The following MGAT4D variants were observed in gnomAD, a reference collection of about 807,000 sequenced individuals.
MGAT4D encodes the protein MGAT4 family member D, also known as alpha-1,3-mannosyl-glycoprotein 4-beta-N-acetylglucosaminyltransferase-like protein MGAT4D.
MGAT4D carries 34 observed loss-of-function variants against 15.9 expected under a neutral mutation model. That is an observed-to-expected ratio of 2.14 (90% confidence interval 1.62 to 2.84). The LOEUF (loss-of-function observed/expected upper bound fraction) is 2.84. Among genes scored for constraint, MGAT4D ranks in the 30% most tolerant of loss-of-function variants. The probability of loss-of-function intolerance (pLI) is 0.00; values close to 1 mark genes in which losing one functional copy is unlikely to be tolerated. For missense variants in MGAT4D, 327 were observed against 140.2 expected (o/e 2.33, Z -6.73); for synonymous variants, 112 against 48.2 (o/e 2.33, Z -5.49).
intron 9 of MGAT4D, among the ~76,000 whole-genome samples, chr4:140,455,760 A>G (rs1479220247): frequency 1.3e-5 from 2 of 152,144 alleles, no homozygotes; most frequent in Non-Finnish European, 2.9e-5. Flanking sequence ...TTCTTGGTAA[A>G]TTAACCCTTT....
intron 1 of MGAT4D, among the ~76,000 whole-genome samples, chr4:140,492,802 C>A (rs1015620587): frequency 2.6e-5 from 4 of 151,998 alleles, no homozygotes; most frequent in Admixed American, 2.6e-4. Flanking sequence ...ATGAAACAGG[C>A]TCTTTAAAAA....
intron 1 of MGAT4D, among the ~76,000 whole-genome samples, chr4:140,490,311 A>G (rs1244824707): frequency 2.6e-5 from 4 of 152,190 alleles, no homozygotes; most frequent in Admixed American, 6.5e-5. Flanking sequence ...CCAAAATTGC[A>G]ATTCATATAG....
chr4:140,454,457 A>G (rs79982793), intron 9 of MGAT4D, among the ~76,000 whole-genome samples: 2,846 of 152,274 alleles, frequency 0.019, 80 homozygotes, highest in East Asian at 0.11. Context: ...ATAAATACCA[A>G]TTAGTATGGT....
chr4:140,467,659 T>C (rs966073295), intron 5 of MGAT4D, among the ~76,000 whole-genome samples: 1 of 152,156 alleles, frequency 6.6e-6, no homozygotes, highest in South Asian at 2.1e-4. Context: ...GTTATTTATA[T>C]ACAGCATCAA....
chr4:140,497,285 T>C (rs1347369100), intron 1 of MGAT4D, among the ~76,000 whole-genome samples: 1 of 152,136 alleles, frequency 6.6e-6, no homozygotes, highest in African/African-American at 2.4e-5. Context: ...AGTCTTAAAC[T>C]GAAAAATTTA....
Position 140,442,706 on chromosome 4 carries a change from A to G in MGAT4D, c.*730T>C, listed in dbSNP as rs1234788876. ...CATTCTTTCCAAAGTCATATGGAAC[A>G]CAAGGATTCACAACAATTCTCAAAA... On this transcript the variant is annotated 3_prime_UTR_variant, in exon 11 of 11. Coordinates refer to ENST00000511113, the MANE Select transcript of MGAT4D (RefSeq NM_001277353.2). The G allele has an allele frequency of 1.3e-5, 2 of 152,182 alleles. No homozygotes were observed. The highest frequency in any genetic ancestry group is 2.9e-5 in the Non-Finnish European group (2 of 68,006). The allele number at this position is 152,182 out of a possible 1,614,324, so 9.4% of individuals were successfully genotyped here.
intron 1 of MGAT4D, among the ~76,000 whole-genome samples, chr4:140,495,843 C>T (rs1733802289): frequency 6.6e-6 from 1 of 152,058 alleles, no homozygotes; most frequent in Admixed American, 6.6e-5. Context: ...TTCAAGCAAT[C>T]CTCCTGCCTC....
intron 1 of MGAT4D, among the ~76,000 whole-genome samples, chr4:140,496,237 A>G (rs1309480341): frequency 6.6e-6 from 1 of 152,198 alleles, no homozygotes; most frequent in African/African-American, 2.4e-5. Context: ...TGTTGATGTG[A>G]GAACAGCTCA....
Position 140,464,970 on chromosome 4 carries a change from A to T in MGAT4D, c.612T>A (p.Ile204=). 1 of 702,848 alleles carries T rather than the reference A, an allele frequency of 1.4e-6. No homozygotes were observed. 43.5% of individuals were successfully genotyped at this position (702,848 alleles called of 1,614,324 possible). A position where few individuals can be genotyped will look rare whatever the true frequency, so the allele number is the denominator to read the frequency against. ...RQVRSGSLEV[I]SIPAFLYSSM... is the part of the protein sequence containing the mutation. ...TTGAGTATAAAAAGGCAGGTATTGA[A>T]ATGACCTCTAAGGATCCAGACCTCA... is the stretch of plus-strand genomic sequence containing the variant. Residue 204 remains isoleucine, a synonymous_variant, in exon 6 of 11, where the codon ATT becomes ATA. Coordinates refer to ENST00000511113, the MANE Select transcript of MGAT4D (RefSeq NM_001277353.2).
At chr4:140,447,548 G>A (rs1452232763) in intron 10 of MGAT4D, among the ~76,000 whole-genome samples, 1 of 151,980 alleles carries the variant, frequency 6.6e-6, no homozygotes, top group South Asian at 2.1e-4. Context: ...ATTTCCATTT[G>A]TTGGTAGATT....
intron 9 of MGAT4D, among the ~76,000 whole-genome samples, chr4:140,455,587 G>A (rs935159568): frequency 6.6e-6 from 1 of 152,134 alleles, no homozygotes; most frequent in Non-Finnish European, 1.5e-5. Flanking sequence ...TTGGCAGATG[G>A]TGTTGTTCAG....
chr4:140,466,466 A>G (rs940404290), intron 5 of MGAT4D, among the ~76,000 whole-genome samples: 2 of 152,186 alleles, frequency 1.3e-5, no homozygotes, highest in African/African-American at 4.8e-5. Context: ...AAGCATAGAA[A>G]AGACATTTGC....
intron 3 of MGAT4D, among the ~76,000 whole-genome samples, chr4:140,476,316 G>A (rs1387262635): frequency 6.6e-6 from 1 of 152,130 alleles, no homozygotes; most frequent in Non-Finnish European, 1.5e-5. Context: ...CCTTGATGAA[G>A]AGAAATTCTT....
At chr4:140,480,636 C>T (rs1336638077) in intron 2 of MGAT4D, among the ~76,000 whole-genome samples, 1 of 151,884 alleles carries the variant, frequency 6.6e-6, no homozygotes, top group African/African-American at 2.4e-5. Flanking sequence ...TCTTTCAAAA[C>T]TCAATGAGAA....
Position 140,459,622 on chromosome 4 carries a change from T to A in MGAT4D, c.767A>T (p.Glu256Val). The A allele has an allele frequency of 2.2e-6, 1 of 459,870 alleles. No homozygotes were observed. The highest frequency in any genetic ancestry group is 3.9e-6 in the Non-Finnish European group (1 of 258,906). The allele number at this position is 459,870 out of a possible 1,614,324, so 28.5% of individuals were successfully genotyped here. Reference protein sequence around the residue: ...QPKAKYYLQLEDDIIAKEMYF... With the variant: ...QPKAKYYLQLVDDIIAKEMYF... ...CATCTCTTTAGCTATGATATCATCT[T>A]CTAGCTGAAAAAAAAAACCCAAAAA... Residue 256 changes from glutamate to valine, a missense_variant, in exon 8 of 11, where the codon GAA becomes GTA. By Grantham distance (121) the Glu-to-Val change is moderately radical. Coordinates refer to ENST00000511113, the MANE Select transcript of MGAT4D (RefSeq NM_001277353.2).
At chr4:140,475,101 T>C (rs563185667) in intron 3 of MGAT4D, among the ~76,000 whole-genome samples, 155 bp from the exon 4 acceptor site, 1 of 152,340 alleles carries the variant, frequency 6.6e-6, no homozygotes, top group South Asian at 2.1e-4. Context: ...ACTATGTTAA[T>C]TTTTATCACA....
chr4:140,486,963 T>C (rs1284867694), intron 1 of MGAT4D, among the ~76,000 whole-genome samples: 1 of 152,228 alleles, frequency 6.6e-6, no homozygotes, highest in African/African-American at 2.4e-5. Context: ...TAATATATCA[T>C]GGGTGATGCA....
At chr4:140,466,850 T>C (rs938359438) in intron 5 of MGAT4D, among the ~76,000 whole-genome samples, 5 of 152,082 alleles carry the variant, frequency 3.3e-5, no homozygotes, top group African/African-American at 1.2e-4. Context: ...TTATAATGGG[T>C]ATGTATCACG....
rs1347927663 is a variant in MGAT4D at position 140,451,420 on chromosome 4, T to C, written c.1106A>G (p.Gln369Arg). ...ATTTCAAAATCTTACTTTTTCATAT[T>C]GTTCTTTTCTAGGGAATGATGAATG... The part of the protein sequence containing the change: ...GIHSSFPRKE[Q>R]YEKKI Residue 369 changes from glutamine to arginine, a missense_variant, in exon 10 of 11, where the codon CAA (glutamine) becomes CGA (arginine). Transcript: ENST00000511113. The C allele has an allele frequency of 1.0e-5, 6 of 597,858 alleles. No individual in the cohort carries two copies. In the South Asian group the frequency reaches 1.1e-4, roughly 11 times the overall value. The allele number at this position is 597,858 out of a possible 1,614,324, so 37.0% of individuals were successfully genotyped here. A position where few individuals can be genotyped will look rare whatever the true frequency, so the allele number is the denominator to read the frequency against.
Sources: allele counts gnomAD v4.1 joint callset (sites outside exome capture counted in the v4.1 genomes callset), GRCh38; gene constraint gnomAD v4.1.1; transcripts MANE v1.5; gene names NCBI Gene and HGNC (gene_info 2026-07-23, HGNC 2026-07-21).